The following SLCO1B1 variants were observed in gnomAD, a reference collection of about 807,000 sequenced individuals.
SLCO1B1 encodes solute carrier organic anion transporter family member 1B1, also known as OATP-2.
SLCO1B1 carries 81 observed loss-of-function variants against 70.1 expected under a neutral mutation model. The ratio of observed to expected loss-of-function variants is 1.16; its 90% CI spans 0.97 to 1.39. The LOEUF is 1.39. Ranked by LOEUF, SLCO1B1 falls within the 40% of genes most tolerant of loss-of-function variation. The pLI, the probability that SLCO1B1 is intolerant of heterozygous loss-of-function variation, is 0.00. For synonymous variants in SLCO1B1, 283 were observed against 271.5 expected, an observed-to-expected ratio of 1.04 and a Z score of -0.42; for missense variants, 895 against 799.6, an observed-to-expected ratio of 1.12 and a Z score of -1.44.
intron 7 of SLCO1B1, among the ~76,000 whole-genome samples, chr12:21,180,074 C>T (rs902442637): frequency 1.2e-4 from 19 of 152,178 alleles, no homozygotes; most frequent in Middle Eastern, 3.4e-3. Flanking sequence ...CTATCATTTG[C>T]GTTAATTGAT....
chr12:21,202,672 C>A lies in SLCO1B1; in HGVS notation c.1317C>A (p.Thr439=). 1 of 1,611,446 alleles carries A rather than the reference C, an allele frequency of 6.2e-7. No individual in the cohort carries two copies. Among genetic ancestry groups the A allele is most frequent in the Non-Finnish European group, 8.5e-7 (1 of 1,178,544 alleles). The part of the protein sequence containing the change: ...LCENKSVAGL[T]MTYDGNNPVT... The stretch of plus-strand genomic sequence containing the variant: ...AAAACAAATCAGTTGCCGGACTAAC[C>A]ATGACCTATGATGGGTTTGTATATA... The change falls in exon 10 of 15, where the codon ACC becomes ACA. Residue 439 remains threonine, a synonymous_variant. Coordinates refer to ENST00000256958, the MANE Select transcript of SLCO1B1 (RefSeq NM_006446.5).
chr12:21,217,051 G>C, intron 11 of SLCO1B1, 68 bp from the exon 12 acceptor site: 1 of 1,132,434 alleles, frequency 8.8e-7, no homozygotes, highest in Non-Finnish European at 1.3e-6. Context: ...TAAATATAAT[G>C]CAATGTATTT....
chr12:21,228,382 A>AAAG, intron 14 of SLCO1B1, among the ~76,000 whole-genome samples: 1 of 152,280 alleles, frequency 6.6e-6, no homozygotes, highest in Non-Finnish European at 1.5e-5. Context: ...TTGTCTTCTA[A>AAAG]GTTCCATTTT....
chr12:21,179,465 C>T (rs534686400), intron 7 of SLCO1B1, among the ~76,000 whole-genome samples: 7 of 152,144 alleles, frequency 4.6e-5, no homozygotes, highest in African/African-American at 1.7e-4. Context: ...GGTCATTTTC[C>T]CTGGTCCTAG....
intron 2 of SLCO1B1, among the ~76,000 whole-genome samples, chr12:21,155,074 C>CATTCA (rs1268817444): frequency 3.4e-5 from 5 of 147,148 alleles, no homozygotes; most frequent in Non-Finnish European, 7.5e-5. Context: ...TTGTGTTGAG[C>CATTCA]ATTCAATGGG....
Position 21,217,321 on chromosome 12 carries a change from A to G in SLCO1B1, c.1682+18A>G. On this transcript the variant is annotated intron_variant, in intron 12 of 14. Coordinates refer to ENST00000256958, the MANE Select transcript of SLCO1B1 (RefSeq NM_006446.5). ...ATTGTTAAGTAAGTATGACTTTTAA[A>G]AACATTTTCATATGCATGAGACTAT... 6.2e-7 allele frequency: 1 copy of G among 1,601,470 alleles called. No individual in the cohort carries two copies. The highest frequency in any genetic ancestry group is 8.6e-7 in the Non-Finnish European group (1 of 1,168,782).
chr12:21,189,434 C>A (rs1045153193), intron 7 of SLCO1B1, among the ~76,000 whole-genome samples: 3 of 147,438 alleles, frequency 2.0e-5, no homozygotes, highest in Non-Finnish European at 4.5e-5. Flanking sequence ...AGGTATGTAG[C>A]CTAATTGTTT....
intron 2 of SLCO1B1, among the ~76,000 whole-genome samples, chr12:21,171,434 G>T (rs913440630): frequency 1.3e-5 from 2 of 152,170 alleles, no homozygotes; most frequent in African/African-American, 4.8e-5. Context: ...TAGGTTATTG[G>T]AAAAACTTGA....
chr12:21,188,783 C>G (rs1381030616), intron 7 of SLCO1B1, among the ~76,000 whole-genome samples: 2 of 152,144 alleles, frequency 1.3e-5, no homozygotes, highest in African/African-American at 2.4e-5. Flanking sequence ...TTCCCCTTCC[C>G]CTTAATCACT....
intron 7 of SLCO1B1, among the ~76,000 whole-genome samples, chr12:21,179,955 C>G (rs939100555): frequency 6.6e-6 from 1 of 152,120 alleles, no homozygotes; most frequent in Admixed American, 6.6e-5. Context: ...AGATATCTCA[C>G]CTTCTCACCT....
At chr12:21,204,708 A>G (rs1941194426) in intron 10 of SLCO1B1, among the ~76,000 whole-genome samples, 1 of 151,884 alleles carries the variant, frequency 6.6e-6, no homozygotes, top group Non-Finnish European at 1.5e-5. Flanking sequence ...ACAGAAATTA[A>G]TTTTTCAAGA....
rs960357759 is a variant in SLCO1B1, at chr12:21,141,677, T to C, written c.84+19T>C. The C allele has an allele frequency of 7.3e-6, 11 of 1,515,894 alleles. No homozygotes were observed. Among genetic ancestry groups the C allele is most frequent in the Middle Eastern group, 1.7e-4 (1 of 5,858 alleles). 93.9% of individuals were successfully genotyped at this position (1,515,894 alleles called of 1,614,324 possible). Reference sequence around the variant, plus strand: ...ATTGAAGGTAGAATAAGTTTTATGTTTTTGAGCTAAAATAAGTAAATAGGG... The same window carrying C: ...ATTGAAGGTAGAATAAGTTTTATGTCTTTGAGCTAAAATAAGTAAATAGGG... On this transcript the variant is annotated intron_variant, in intron 2 of 14. Transcript: ENST00000256958.
chr12:21,189,488 C>T (rs552445716), intron 7 of SLCO1B1, among the ~76,000 whole-genome samples: 1 of 151,914 alleles, frequency 6.6e-6, no homozygotes, highest in East Asian at 1.9e-4. Flanking sequence ...CACTCTGTCA[C>T]CCAGGCTGGA....
At chr12:21,185,018 G>A (rs1351983519) in intron 7 of SLCO1B1, among the ~76,000 whole-genome samples, 1 of 151,838 alleles carries the variant, frequency 6.6e-6, no homozygotes, top group Admixed American at 6.6e-5. Flanking sequence ...GACAAAGAAG[G>A]GTATTACATA....
intron 2 of SLCO1B1, among the ~76,000 whole-genome samples, 196 bp downstream of exon 2, chr12:21,141,854 A>C (rs1940314046): frequency 6.6e-6 from 1 of 151,898 alleles, no homozygotes; most frequent in Non-Finnish European, 1.5e-5. Context: ...CTTTGGCGAA[A>C]TTTTTGATGC....
chr12:21,190,043 G>A (rs762858650), intron 7 of SLCO1B1, among the ~76,000 whole-genome samples: 2 of 152,150 alleles, frequency 1.3e-5, no homozygotes, highest in Non-Finnish European at 2.9e-5. Context: ...AGAAGCTATA[G>A]GGAAGGAAGC....
chr12:21,164,942 T>C, intron 2 of SLCO1B1: 1 of 418,170 alleles, frequency 2.4e-6, no homozygotes, highest in Non-Finnish European at 4.7e-6. Flanking sequence ...TTTCAGTGCA[T>C]TGATTATGTC....
intron 7 of SLCO1B1, among the ~76,000 whole-genome samples, chr12:21,194,961 C>T (rs1174831827): frequency 2.0e-5 from 3 of 152,166 alleles, no homozygotes; most frequent in African/African-American, 7.2e-5. Flanking sequence ...AGGTGCCACA[C>T]ACTTTTTAAG....
At chr12:21,172,072 G>A (rs1302820658) in intron 2 of SLCO1B1, among the ~76,000 whole-genome samples, 2 of 152,138 alleles carry the variant, frequency 1.3e-5, no homozygotes, top group African/African-American at 4.8e-5. Context: ...AAAGAAATTT[G>A]TTTATGGATA....
Sources: allele counts gnomAD v4.1 joint callset (sites outside exome capture counted in the v4.1 genomes callset), GRCh38; gene constraint gnomAD v4.1.1; transcripts MANE v1.5; gene names NCBI Gene and HGNC (gene_info 2026-07-23, HGNC 2026-07-21).